TMEM39A: variants seen among roughly 807,000 people sequenced by gnomAD.
The protein encoded by TMEM39A is suppressor of SQST-1 aggregates in rpl-43 mutants.
In TMEM39A, 19 loss-of-function variants were observed where a neutral mutation model predicts 51.9. The ratio of observed to expected loss-of-function variants is 0.37; its 90% CI spans 0.26 to 0.54. TMEM39A has a LOEUF of 0.54. Ranked by LOEUF, TMEM39A falls within the 20% of genes least tolerant of loss-of-function variation. The pLI is 0.88. For synonymous variants in TMEM39A, 197 were observed against 220.2 expected (o/e 0.89, Z 0.93); for missense variants, 433 against 590.5 (o/e 0.73, Z 2.76).
intron 2 of TMEM39A, among the ~76,000 whole-genome samples, chr3:119,461,669 T>C (rs999154436): frequency 1.3e-5 from 2 of 152,222 alleles, no homozygotes; most frequent in Non-Finnish European, 2.9e-5. Flanking sequence ...CACACTTACC[T>C]TGTATTTTCA....
chr3:119,436,142 C>T (rs1303688681), intron 7 of TMEM39A, among the ~76,000 whole-genome samples: 2 of 152,142 alleles, frequency 1.3e-5, no homozygotes, highest in Non-Finnish European at 2.9e-5. Context: ...CAGAATAAAA[C>T]GGTCCTAATG....
chr3:119,452,568 T>C (rs2081214723), intron 3 of TMEM39A, 38 bp from the exon 4 acceptor site: 2 of 1,535,012 alleles, frequency 1.3e-6, no homozygotes, highest in Non-Finnish European at 1.8e-6. Context: ...GAAAGAAATA[T>C]GATGTGTATT....
intron 3 of TMEM39A, among the ~76,000 whole-genome samples, chr3:119,454,514 G>C (rs943620412): frequency 6.6e-5 from 10 of 152,138 alleles, no homozygotes; most frequent in Non-Finnish European, 1.3e-4. Context: ...AATATTGGCC[G>C]GGTGCGGTGG....
At chr3:119,450,275 T>C (rs1278218485) in intron 4 of TMEM39A, among the ~76,000 whole-genome samples, 2 of 152,206 alleles carry the variant, frequency 1.3e-5, no homozygotes, top group Non-Finnish European at 2.9e-5. Context: ...AATTTATTCA[T>C]ATATAAGCAA....
At chr3:119,445,517 G>T (rs1368788057) in intron 5 of TMEM39A, among the ~76,000 whole-genome samples, 1 of 152,108 alleles carries the variant, frequency 6.6e-6, no homozygotes, top group Non-Finnish European at 1.5e-5. Flanking sequence ...TGCCCACCTC[G>T]GCCTCCCAAA....
rs77024772 is a variant in TMEM39A at position 119,435,280 on chromosome 3, A to G, written c.1113-398T>C. ...GAAGAGAAAGCTGATGGTAATAAGA[A>G]TAGTGGAGAAATTAGCACATTGTCA... is the stretch of plus-strand genomic sequence containing the variant. On this transcript the variant is annotated intron_variant, in intron 7 of 8. Transcript: ENST00000319172. 4.0e-3 allele frequency: 3,982 copies of G among 985,406 alleles called. 150 individuals are homozygous for G. The South Asian group carries it at 0.1, about 25-fold the overall frequency. The allele number at this position is 985,406 out of a possible 1,614,324, so 61.0% of individuals were successfully genotyped here. A position where few individuals can be genotyped will look rare whatever the true frequency, so the allele number is the denominator to read the frequency against.
chr3:119,453,066 T>C (rs2081220689), intron 3 of TMEM39A, among the ~76,000 whole-genome samples: 1 of 152,188 alleles, frequency 6.6e-6, no homozygotes, highest in Non-Finnish European at 1.5e-5. Flanking sequence ...TAAAAAATAA[T>C]AGCATTACCT....
intron 4 of TMEM39A, among the ~76,000 whole-genome samples, chr3:119,447,753 T>C (rs1171332325): frequency 1.3e-5 from 2 of 152,022 alleles, no homozygotes; most frequent in African/African-American, 4.8e-5. Context: ...GCCTCCTGAG[T>C]AGCTGGGATA....
chr3:119,438,779 CCCT>C (rs1560010465), intron 5 of TMEM39A, among the ~76,000 whole-genome samples: 2 of 152,118 alleles, frequency 1.3e-5, no homozygotes, highest in Non-Finnish European at 2.9e-5. Flanking sequence ...TAGTAGGGGG[CCCT>C]CCTGCCTCCC....
At chr3:119,432,250 T>C (rs748880475) in intron 8 of TMEM39A, 36 bp from the exon 9 acceptor site, 11 of 1,457,004 alleles carry the variant, frequency 7.5e-6, no homozygotes, top group South Asian at 2.5e-5. Flanking sequence ...CATTATTTCA[T>C]AGAAAAGTAA....
intron 3 of TMEM39A, among the ~76,000 whole-genome samples, chr3:119,457,538 C>T (rs754482855): frequency 4.6e-5 from 7 of 152,106 alleles, no homozygotes; most frequent in Non-Finnish European, 1.0e-4. Flanking sequence ...AGGGATGGGC[C>T]ACAGCCACCT....
At chr3:119,461,761 T>C (rs1272459102) in intron 2 of TMEM39A, among the ~76,000 whole-genome samples, 2 of 152,210 alleles carry the variant, frequency 1.3e-5, no homozygotes, top group African/African-American at 4.8e-5. Context: ...TGGGACTGCT[T>C]TCACTTTGTG....
chr3:119,446,780 T>TG (rs2081131164), intron 5 of TMEM39A: 1 of 423,620 alleles, frequency 2.4e-6, no homozygotes. Flanking sequence ...TATTCTCCAC[T>TG]GGCAACACAC....
rs751067844 is a variant in TMEM39A, at chr3:119,461,974, C to A, written c.101G>T (p.Gly34Val). The change falls in exon 2 of 9, where the codon GGC becomes GTC. Residue 34 changes from glycine to valine, a missense_variant. Gly to Val is a moderately radical substitution (Grantham distance 109, BLOSUM62 -3). Around this residue, in one of 3 missense-constraint regions of TMEM39A, gnomAD observed 170 missense variants for 239.8 expected, o/e 0.71. Transcript: ENST00000319172. ...ATTTTTTCTTTACCTGTTTCTCAAG[C>A]CTGTTCCATTGCCACAGCCTCCACC... ...LVGGGCGNGT[G>V]LRNRNGSAIG... The A allele has an allele frequency of 1.9e-6, 3 of 1,613,986 alleles. No homozygotes were observed. The highest frequency in any genetic ancestry group is 2.5e-6 in the Non-Finnish European group (3 of 1,179,916).
At chr3:119,459,513 T>C (rs946031099) in intron 2 of TMEM39A, among the ~76,000 whole-genome samples, 5 of 152,214 alleles carry the variant, frequency 3.3e-5, no homozygotes, top group African/African-American at 1.2e-4. Context: ...AAGAAAACAA[T>C]AGTTCTTCTC....
chr3:119,430,922 T>C lies in TMEM39A; in HGVS notation c.*1059A>G, dbSNP rs1269285308. On this transcript the variant is annotated 3_prime_UTR_variant, in exon 9 of 9. Transcript: ENST00000319172. Reference sequence around the variant, plus strand: ...AGGTCTCATAAGTTTAGATGACAAGTGACAACATCAATGGACTAAGTATAT... The same window carrying C: ...AGGTCTCATAAGTTTAGATGACAAGCGACAACATCAATGGACTAAGTATAT... 9 of 152,148 alleles carry C rather than the reference T, an allele frequency of 5.9e-5. No individual in the cohort carries two copies. The highest frequency in any genetic ancestry group is 5.9e-4 in the Admixed American group (9 of 15,276). The allele number at this position is 152,148 out of a possible 1,614,324, so 9.4% of individuals were successfully genotyped here.
At chr3:119,433,753 A>G (rs2080928900) in intron 8 of TMEM39A, among the ~76,000 whole-genome samples, 1 of 152,142 alleles carries the variant, frequency 6.6e-6, no homozygotes, top group Non-Finnish European at 1.5e-5. Context: ...AGGCATTTCC[A>G]CTGGCGTCAA....
rs142723524 is a variant in TMEM39A at position 119,437,884 on chromosome 3, T to C, written c.795A>G (p.Leu265=). The C allele has an allele frequency of 9.3e-6, 15 of 1,613,570 alleles. No individual in the cohort carries two copies. Among genetic ancestry groups the C allele is most frequent in the Admixed American group, 1.7e-5 (1 of 59,986 alleles). ...ATPIPTHSCP[L]SPDLIRNEVE... The stretch of plus-strand genomic sequence containing the variant: ...CTTCATTGCGAATGAGGTCTGGAGA[T>C]AGGGGACAACTGTGGGTGGGGATGG... The change falls in exon 6 of 9, where the codon CTA becomes CTG. Residue 265 remains leucine (L), a synonymous_variant. Coordinates refer to ENST00000319172, the MANE Select transcript of TMEM39A (RefSeq NM_018266.3).
chr3:119,437,072 C>T, intron 6 of TMEM39A, 94 bp from the exon 7 acceptor site: 1 of 1,129,568 alleles, frequency 8.9e-7, no homozygotes, highest in Non-Finnish European at 1.3e-6. Flanking sequence ...ACAAATGCCA[C>T]ACTGAGTCAC....
Sources: gnomAD v4.1 joint callset for allele counts (sites outside exome capture counted in the v4.1 genomes callset) on GRCh38, gnomAD v4.1.1 for gene constraint, gnomAD v4.1.1 regional missense constraint, MANE v1.5 for transcripts, NCBI Gene and HGNC (gene_info 2026-07-23, HGNC 2026-07-21) for gene names.